Variants in RBBP4 observed in about 807,000 individuals in gnomAD.
The protein encoded by RBBP4 is RB binding protein 4, chromatin remodeling factor.
Under a neutral mutation model 57.2 loss-of-function variants are expected in RBBP4, and 3 were observed. The observed-to-expected ratio is 0.05, with a 90% CI of 0.02 to 0.14. The LOEUF (loss-of-function observed/expected upper bound fraction) is 0.14, where lower values mean the gene tolerates loss of function less well. Among genes scored for constraint, RBBP4 ranks in the 10% least tolerant of loss-of-function variants. The pLI is 1.00. For missense variants in RBBP4, 107 were observed against 520.6 expected (o/e 0.21, Z 7.73); for synonymous variants, 151 against 171.5 (o/e 0.88, Z 0.93).
chr1:32,674,525 C>T (rs1323281730), intron 11 of RBBP4, among the ~76,000 whole-genome samples: 4 of 151,554 alleles, frequency 2.6e-5, no homozygotes, highest in African/African-American at 4.9e-5. Flanking sequence ...TGCCCACCCG[C>T]CCCCCACTTT....
At chr1:32,655,677 A>G (rs1240560644) in intron 2 of RBBP4, among the ~76,000 whole-genome samples, 1 of 152,106 alleles carries the variant, frequency 6.6e-6, no homozygotes, top group Non-Finnish European at 1.5e-5. Flanking sequence ...CCAGTTTGAC[A>G]TGTTGTAAAT....
chr1:32,663,322 A>G (rs1648504088), intron 3 of RBBP4, among the ~76,000 whole-genome samples: 1 of 152,202 alleles, frequency 6.6e-6, no homozygotes, highest in South Asian at 2.1e-4. Context: ...TAATATTTAT[A>G]TGGAGAGAAG....
At position 32,684,261 on chromosome 1, in the gene RBBP4, T is replaced by C. The variant is rs201938976; in HGVS notation, c.*4556T>C. The C allele has an allele frequency of 2.6e-5, 42 of 1,614,238 alleles. No individual in the cohort carries two copies. The highest frequency in any genetic ancestry group is 9.9e-5 in the South Asian group (9 of 91,086). On this transcript the variant is annotated 3_prime_UTR_variant, in exon 12 of 12. Transcript: ENST00000373493. ...TTGTATAGCAGCAGAAACTGACTTA[T>C]AAGTAGAGAGCTCTTCAGCAAGACT...
chr1:32,669,091 G>A lies in RBBP4; in HGVS notation c.720G>A (p.Glu240=), dbSNP rs1434304134. Reference sequence around the variant, plus strand: ...ATGTTTCCTGGCATCTACTCCATGAGTCTCTGTTTGGGTCAGTTGCTGATG... The same window carrying A: ...ATGTTTCCTGGCATCTACTCCATGAATCTCTGTTTGGGTCAGTTGCTGATG... ...VEDVSWHLLH[E]SLFGSVADDQ... Residue 240 remains glutamate, a synonymous_variant, in exon 6 of 12, where the codon GAG becomes GAA. Coordinates refer to ENST00000373493, the MANE Select transcript of RBBP4 (RefSeq NM_005610.3). The surrounding 1 kb of genome is among the most constrained non-coding windows in gnomAD (Gnocchi z 4.9). 1.2e-6 allele frequency: 2 copies of A among 1,614,186 alleles called. No individual in the cohort carries two copies. The highest frequency in any genetic ancestry group is 1.1e-5 in the South Asian group (1 of 91,090).
chr1:32,660,709 ATTG>A (rs1179284802), intron 3 of RBBP4, among the ~76,000 whole-genome samples: 1 of 151,480 alleles, frequency 6.6e-6, no homozygotes, highest in African/African-American at 2.4e-5. Flanking sequence ...GTGTTCATCT[ATTG>A]TTGTCTTCTG....
chr1:32,659,187 TACAC>T (rs1045385227), intron 3 of RBBP4, among the ~76,000 whole-genome samples: 9 of 149,844 alleles, frequency 6.0e-5, no homozygotes. Flanking sequence ...TATAAATGTA[TACAC>T]ACACATATAT....
intron 11 of RBBP4, among the ~76,000 whole-genome samples, chr1:32,675,805 TA>T (rs1649080398): frequency 6.6e-6 from 1 of 151,242 alleles, no homozygotes; most frequent in African/African-American, 2.4e-5. Flanking sequence ...AAAGTATGAT[TA>T]GGGGCTGTGC....
chr1:32,672,808 T>C lies in RBBP4; in HGVS notation c.1119T>C (p.His373=), dbSNP rs1024845157. The change falls in exon 11 of 12, where the codon CAT becomes CAC. Residue 373 remains histidine, a synonymous_variant. Transcript: ENST00000373493. ...TCTTTCAGTTTATTCATGGTGGTCATACTGCCAAGATATCTGATTTCTCCT... is the reference window on the plus strand; with the variant it reads ...TCTTTCAGTTTATTCATGGTGGTCACACTGCCAAGATATCTGATTTCTCCT... The part of the protein sequence containing the change: ...PPELLFIHGG[H]TAKISDFSWN... 1 of 1,613,418 alleles carries C rather than the reference T, an allele frequency of 6.2e-7. No homozygotes were observed. The highest frequency in any genetic ancestry group is 8.5e-7 in the Non-Finnish European group (1 of 1,179,442).
chr1:32,675,116 C>T (rs753854541), intron 11 of RBBP4, among the ~76,000 whole-genome samples: 7 of 149,730 alleles, frequency 4.7e-5, no homozygotes, highest in Admixed American at 6.7e-5. Context: ...CTGCAACCTC[C>T]GCCTCCTGGG....
Position 32,669,521 on chromosome 1 carries a change from T to G in RBBP4, c.924T>G (p.Leu308=). 2 of 1,608,934 alleles carry G rather than the reference T, an allele frequency of 1.2e-6. No homozygotes were observed. Among genetic ancestry groups the G allele is most frequent in the African/African-American group, 2.7e-5 (2 of 74,730 alleles). ...VALWDLRNLK[L]KLHSFESHKD... ...TGTGGGATCTGAGAAATCTGAAACT[T>G]AAGTTGCATTCCTTTGAGTCACATA... The change falls in exon 8 of 12, where the codon CTT becomes CTG. Residue 308 remains leucine, a synonymous_variant. Transcript: ENST00000373493. The surrounding 1 kb of genome is among the most constrained non-coding windows in gnomAD (Gnocchi z 4.9).
chr1:32,679,550 C>A (rs939484786), intron 11 of RBBP4, 90 bp from the exon 12 acceptor site: 2 of 1,196,444 alleles, frequency 1.7e-6, no homozygotes, highest in Admixed American at 2.6e-5. Flanking sequence ...AAAGTATTTA[C>A]TCTCTGGCTT....
In RBBP4 at chr1:32,680,379, C is replaced by G. The variant is rs890520049; in HGVS notation, c.*674C>G. 6.8e-6 allele frequency: 4 copies of G among 585,154 alleles called. No individual in the cohort carries two copies. The highest frequency in any genetic ancestry group is 6.4e-6 in the Non-Finnish European group (3 of 470,726). The allele number at this position is 585,154 out of a possible 1,614,324, so 36.2% of individuals were successfully genotyped here. On this transcript the variant is annotated 3_prime_UTR_variant, in exon 12 of 12. Coordinates refer to ENST00000373493, the MANE Select transcript of RBBP4 (RefSeq NM_005610.3). ...TTGGTTTTTTTTTTTTTTTTTTTAA[C>G]TTGGGACCACCAAGTTGTAAAGATG...
intron 3 of RBBP4, among the ~76,000 whole-genome samples, chr1:32,658,591 G>C (rs2148518417): frequency 6.8e-6 from 1 of 146,612 alleles, no homozygotes; most frequent in Non-Finnish European, 1.5e-5. Flanking sequence ...CTGCTGCCCA[G>C]GCTGGAGTGC....
intron 3 of RBBP4, chr1:32,662,218 TAACA>T (rs768345961): frequency 7.2e-5 from 25 of 346,866 alleles, no homozygotes; most frequent in African/African-American, 1.8e-4. Context: ...TTTATTTTTT[TAACA>T]AACAGTCTCT....
chr1:32,676,245 C>T lies in RBBP4; in HGVS notation c.1212+3344C>T, dbSNP rs980464912. ...ATGACATGCTGTTAAAGGGGAAGCGCAGACTGAAGAATAGCATAATGGTAT... is the reference window on the plus strand; with the variant it reads ...ATGACATGCTGTTAAAGGGGAAGCGTAGACTGAAGAATAGCATAATGGTAT... On this transcript the variant is annotated intron_variant, in intron 11 of 11. Transcript: ENST00000373493. Among the ~76,000 whole-genome samples, 14 of 152,292 alleles carry T rather than the reference C, an allele frequency of 9.2e-5. No homozygotes were observed. In the South Asian group the frequency reaches 1.7e-3, roughly 18 times the overall value.
At chr1:32,663,923 CA>C (rs1194317837) in intron 3 of RBBP4, among the ~76,000 whole-genome samples, 2 of 44,968 alleles carry the variant, frequency 4.4e-5, no homozygotes, top group South Asian at 1.2e-3. Context: ...TTTAACCTGT[CA>C]ATTTTTTTTT....
rs958886890 is a variant in RBBP4 at position 32,685,253 on chromosome 1, T to C, written c.*5548T>C. The C allele has an allele frequency of 5.3e-5, 8 of 152,214 alleles. No individual in the cohort carries two copies. The highest frequency in any genetic ancestry group is 1.7e-4 in the African/African-American group (7 of 41,458). The allele number at this position is 152,214 out of a possible 1,614,324, so 9.4% of individuals were successfully genotyped here. A position where few individuals can be genotyped will look rare whatever the true frequency, so the allele number is the denominator to read the frequency against. The stretch of plus-strand genomic sequence containing the variant: ...CCTTGGGAGCCCTCAGATAACTTTC[T>C]CATTCTTCCAGAATCAGGCTGGGAT... On this transcript the variant is annotated 3_prime_UTR_variant, in exon 12 of 12. Coordinates refer to ENST00000373493, the MANE Select transcript of RBBP4 (RefSeq NM_005610.3).
intron 3 of RBBP4, among the ~76,000 whole-genome samples, chr1:32,666,929 A>G (rs550648278): frequency 6.6e-6 from 1 of 152,322 alleles, no homozygotes; most frequent in South Asian, 2.1e-4. Context: ...TGCTGAAGGG[A>G]CATTGTGAGA....
intron 11 of RBBP4, among the ~76,000 whole-genome samples, chr1:32,674,960 A>G (rs1441520448): frequency 6.6e-6 from 1 of 151,526 alleles, no homozygotes; most frequent in Non-Finnish European, 1.5e-5. Context: ...GGTGGTCTCG[A>G]TCTCCTGACC....
Sources: gnomAD v4.1 joint callset for allele counts (sites outside exome capture counted in the v4.1 genomes callset) on GRCh38, gnomAD v4.1.1 for gene constraint, Gnocchi (gnomAD v3.1) non-coding constraint, MANE v1.5 for transcripts, NCBI Gene and HGNC (gene_info 2026-07-23, HGNC 2026-07-21) for gene names.